The following GAB1 variants were observed in gnomAD, a reference collection of about 807,000 sequenced individuals.
GAB1 encodes GRB2-associated-binding protein 1.
Under a neutral mutation model 66.5 loss-of-function variants are expected in GAB1, and 19 were observed. That is an observed-to-expected ratio of 0.29 (90% confidence interval 0.20 to 0.42). The LOEUF is 0.42. GAB1 is among the 10% of genes least tolerant of loss of function. The probability of loss-of-function intolerance (pLI) is 1.00; values close to 1 mark genes in which losing one functional copy is unlikely to be tolerated. For missense variants in GAB1, 732 were observed against 858.5 expected, an observed-to-expected ratio of 0.85 and a Z score of 1.84; for synonymous variants, 294 against 301.4, an observed-to-expected ratio of 0.98 and a Z score of 0.25.
chr4:143,434,455 A>G (rs1426474956), intron 3 of GAB1, among the ~76,000 whole-genome samples: 1 of 151,278 alleles, frequency 6.6e-6, no homozygotes, highest in African/African-American at 2.4e-5. Flanking sequence ...CCTGGGCTCA[A>G]GTATTCCTTC....
At chr4:143,346,038 T>C (rs1268462567) in intron 1 of GAB1, among the ~76,000 whole-genome samples, 1 of 152,230 alleles carries the variant, frequency 6.6e-6, no homozygotes, top group African/African-American at 2.4e-5. Flanking sequence ...AACATTTTAT[T>C]TGCTAACTTT....
At chr4:143,462,234 T>C (rs1416488663) in intron 8 of GAB1, among the ~76,000 whole-genome samples, 1 of 152,192 alleles carries the variant, frequency 6.6e-6, no homozygotes, top group African/African-American at 2.4e-5. Flanking sequence ...TGGAGTTCTA[T>C]TATTATTATT....
At chr4:143,460,126 T>G (rs1266358337) in intron 7 of GAB1, among the ~76,000 whole-genome samples, 1 of 152,110 alleles carries the variant, frequency 6.6e-6, no homozygotes, top group Non-Finnish European at 1.5e-5. Flanking sequence ...CTGGCAGTGG[T>G]TTTTTTGTTT....
chr4:143,439,112 A>G (rs1206610068), intron 4 of GAB1, among the ~76,000 whole-genome samples: 1 of 152,154 alleles, frequency 6.6e-6, no homozygotes, highest in African/African-American at 2.4e-5. Context: ...AAAGAGCTGA[A>G]TCTTCTTTCC....
In GAB1 at chr4:143,410,841, A is replaced by G. The variant is rs77964631; in HGVS notation, c.73-4636A>G. 1.8e-3 allele frequency among the ~76,000 whole-genome samples: 278 copies of G among 152,296 alleles called. 2 individuals carry two copies. The highest frequency in any genetic ancestry group is 6.6e-3 in the African/African-American group (275 of 41,564). ...AAACATTTTGTATTGCGTATTTAGC[A>G]GACATTGACTGAGCACCTCCTTGGC... is the stretch of plus-strand genomic sequence containing the variant. On this transcript the variant is annotated intron_variant, in intron 1 of 9. Coordinates refer to ENST00000262994, the MANE Select transcript of GAB1 (RefSeq NM_002039.4).
chr4:143,453,911 T>G (rs1735053789), intron 6 of GAB1, among the ~76,000 whole-genome samples: 1 of 152,190 alleles, frequency 6.6e-6, no homozygotes, highest in African/African-American at 2.4e-5. Flanking sequence ...TTGGGAGGTT[T>G]TAGAGTGTCT....
chr4:143,468,183 T>C (rs1735891922), intron 9 of GAB1, among the ~76,000 whole-genome samples: 1 of 151,322 alleles, frequency 6.6e-6, no homozygotes, highest in Non-Finnish European at 1.5e-5. Context: ...GAATTTCATC[T>C]GTCATGGAAG....
At chr4:143,447,916 C>T (rs1181097199) in intron 6 of GAB1, among the ~76,000 whole-genome samples, 3 of 152,156 alleles carry the variant, frequency 2.0e-5, no homozygotes, top group Admixed American at 6.5e-5. Context: ...ATGATATTGG[C>T]TGTGGGTTTG....
intron 1 of GAB1, among the ~76,000 whole-genome samples, chr4:143,392,981 A>G (rs1325628311): frequency 6.6e-6 from 1 of 152,110 alleles, no homozygotes; most frequent in Non-Finnish European, 1.5e-5. Context: ...TTCCATGTAT[A>G]TGTCCACAAA....
intron 1 of GAB1, among the ~76,000 whole-genome samples, chr4:143,403,065 T>TC (rs1560745036): frequency 1.3e-5 from 2 of 152,232 alleles, no homozygotes; most frequent in East Asian, 3.8e-4. Context: ...TTATCTTGTG[T>TC]CAACTGCACA....
chr4:143,427,389 G>A (rs1040258526), intron 2 of GAB1, among the ~76,000 whole-genome samples: 6 of 152,204 alleles, frequency 3.9e-5, no homozygotes, highest in African/African-American at 1.4e-4. Flanking sequence ...ACTGTTTGGA[G>A]TTTGATGGCC....
chr4:143,423,671 G>T (rs1433272146), intron 2 of GAB1, among the ~76,000 whole-genome samples: 1 of 150,670 alleles, frequency 6.6e-6, no homozygotes, highest in Non-Finnish European at 1.5e-5. Flanking sequence ...CAGCTACTCG[G>T]GAGGCTGAGG....
At chr4:143,339,198 G>C (rs138089966) in intron 1 of GAB1, among the ~76,000 whole-genome samples, 1 of 152,336 alleles carries the variant, frequency 6.6e-6, no homozygotes, top group East Asian at 1.9e-4. Flanking sequence ...CTCTCACCTA[G>C]TTCATTTCAA....
At chr4:143,347,839 G>T (rs1002681213) in intron 1 of GAB1, among the ~76,000 whole-genome samples, 2 of 152,346 alleles carry the variant, frequency 1.3e-5, no homozygotes, top group East Asian at 3.9e-4. Flanking sequence ...CAAAGATGAG[G>T]CTGGAGTAAG....
intron 6 of GAB1, among the ~76,000 whole-genome samples, chr4:143,455,818 T>C (rs575471989): frequency 6.6e-6 from 1 of 151,888 alleles, no homozygotes; most frequent in Non-Finnish European, 1.5e-5. Context: ...CAATGGAGAG[T>C]TCAAAACTGA....
rs182693052 is a variant in GAB1, at chr4:143,393,713, G to A, written c.73-21764G>A. 3.3e-5 allele frequency among the ~76,000 whole-genome samples: 5 copies of A among 152,206 alleles called. No individual in the cohort carries two copies. The East Asian group carries it at 9.6e-4, about 29-fold the overall frequency. ...TTCTGATTTCTGCATCAAGAGTGGAGGGTCATTTTCTTTTTAATGGTGCCT... is the reference window on the plus strand; with the variant it reads ...TTCTGATTTCTGCATCAAGAGTGGAAGGTCATTTTCTTTTTAATGGTGCCT... On this transcript the variant is annotated intron_variant, in intron 1 of 9. Transcript: ENST00000262994.
chr4:143,416,491 C>G (rs1736617822), intron 2 of GAB1, among the ~76,000 whole-genome samples: 1 of 152,104 alleles, frequency 6.6e-6, no homozygotes. Context: ...TAGATTATGG[C>G]CGGGCACAGT....
intron 1 of GAB1, 96 bp downstream of exon 1, chr4:143,337,356 G>C (rs1380389996): frequency 9.4e-7 from 1 of 1,068,146 alleles, no homozygotes; most frequent in Non-Finnish European, 1.4e-6. Context: ...GCGCGGGGCT[G>C]GTTCTTAAAC....
chr4:143,365,725 G>A (rs1190739460), intron 1 of GAB1, among the ~76,000 whole-genome samples: 1 of 152,192 alleles, frequency 6.6e-6, no homozygotes, highest in Non-Finnish European at 1.5e-5. Flanking sequence ...GTATACTTAA[G>A]GGAGCTTTCG....
Sources: gnomAD v4.1 joint callset for allele counts (sites outside exome capture counted in the v4.1 genomes callset) on GRCh38, gnomAD v4.1.1 for gene constraint, MANE v1.5 for transcripts, NCBI Gene and HGNC (gene_info 2026-07-23, HGNC 2026-07-21) for gene names.